The following EXOC4 variants were observed in gnomAD, a reference collection of about 807,000 sequenced individuals.
EXOC4 encodes exocyst complex component 4.
Under a neutral mutation model 107.2 loss-of-function variants are expected in EXOC4, and 71 were observed. The ratio of observed to expected loss-of-function variants is 0.66; its 90% CI spans 0.55 to 0.81. The LOEUF (loss-of-function observed/expected upper bound fraction) is 0.81. EXOC4 is among the 30% of genes least tolerant of loss of function. The probability of loss-of-function intolerance (pLI) is 0.00; values close to 1 mark genes in which losing one functional copy is unlikely to be tolerated. For missense variants in EXOC4, 1,108 were observed against 1,189.6 expected (o/e 0.93, Z 1.01); for synonymous variants, 456 against 441.2 (o/e 1.03, Z -0.42).
intron 5 of EXOC4, among the ~76,000 whole-genome samples, chr7:133,334,627 G>GT (rs1278782373): frequency 6.6e-6 from 1 of 152,104 alleles, no homozygotes; most frequent in Non-Finnish European, 1.5e-5. Context: ...TGTCATGGGG[G>GT]TTTGTTGTAT....
At chr7:133,683,294 G>C (rs1794226681) in intron 10 of EXOC4, among the ~76,000 whole-genome samples, 1 of 152,076 alleles carries the variant, frequency 6.6e-6, no homozygotes, top group Non-Finnish European at 1.5e-5. Flanking sequence ...AGCACTCCTT[G>C]TTTGCTCTGC....
intron 9 of EXOC4, among the ~76,000 whole-genome samples, chr7:133,607,682 T>A (rs1205873860): frequency 1.3e-5 from 2 of 152,184 alleles, no homozygotes; most frequent in Non-Finnish European, 2.9e-5. Flanking sequence ...TCTCCATCTC[T>A]CTCGTGCTTT....
At chr7:133,771,849 CAGG>C (rs1796250092) in intron 10 of EXOC4, among the ~76,000 whole-genome samples, 1 of 151,770 alleles carries the variant, frequency 6.6e-6, no homozygotes, top group South Asian at 2.1e-4. Context: ...GGGAGGGAAA[CAGG>C]GGGTCAGATT....
chr7:133,285,378 A>C (rs1474278246), intron 2 of EXOC4, among the ~76,000 whole-genome samples: 1 of 152,150 alleles, frequency 6.6e-6, no homozygotes, highest in East Asian at 1.9e-4. Context: ...GTGCATATAA[A>C]ATTGAGTTTT....
At chr7:133,627,464 A>T (rs573978987) in intron 9 of EXOC4, among the ~76,000 whole-genome samples, 1 of 152,204 alleles carries the variant, frequency 6.6e-6, no homozygotes, top group Non-Finnish European at 1.5e-5. Flanking sequence ...AGACATGTTC[A>T]TATTGAGTCG....
At chr7:133,304,826 T>C (rs909766454) in intron 3 of EXOC4, among the ~76,000 whole-genome samples, 1 of 152,236 alleles carries the variant, frequency 6.6e-6, no homozygotes, top group African/African-American at 2.4e-5. Context: ...TTCCTTTATC[T>C]GTACCTATTA....
chr7:133,404,906 A>ACG (rs1426823044), intron 7 of EXOC4, among the ~76,000 whole-genome samples: 22 of 4,162 alleles, frequency 5.3e-3, no homozygotes, highest in Admixed American at 0.052. Context: ...ACACACACGC[A>ACG]CACACACACA....
chr7:133,998,840 A>G (rs1794459781), intron 15 of EXOC4, among the ~76,000 whole-genome samples: 1 of 152,224 alleles, frequency 6.6e-6, no homozygotes, highest in Admixed American at 6.5e-5. Flanking sequence ...AACTCTGAGC[A>G]TCAAGGTGAT....
At chr7:133,981,518 T>G (rs767525406) in intron 14 of EXOC4, among the ~76,000 whole-genome samples, 2 of 152,100 alleles carry the variant, frequency 1.3e-5, no homozygotes, top group Non-Finnish European at 2.9e-5. Flanking sequence ...TCAGTGATCT[T>G]TAGAGCAATG....
At chr7:133,294,908 A>T (rs1480052818) in intron 3 of EXOC4, among the ~76,000 whole-genome samples, 2 of 152,110 alleles carry the variant, frequency 1.3e-5, no homozygotes, top group Non-Finnish European at 2.9e-5. Context: ...TTTGACTCTT[A>T]GTAGCTGGAT....
chr7:133,633,152 G>A (rs1358986201), intron 10 of EXOC4, among the ~76,000 whole-genome samples: 1 of 152,116 alleles, frequency 6.6e-6, no homozygotes, highest in African/African-American at 2.4e-5. Context: ...AAATGAAGAA[G>A]CCTGAAAACA....
chr7:133,649,054 A>G (rs1045331623), intron 10 of EXOC4, among the ~76,000 whole-genome samples: 1 of 152,202 alleles, frequency 6.6e-6, no homozygotes, highest in African/African-American at 2.4e-5. Context: ...CCACTCATAC[A>G]GGGAAAAGTC....
At chr7:133,463,033 G>A (rs1452122322) in intron 7 of EXOC4, among the ~76,000 whole-genome samples, 1 of 152,174 alleles carries the variant, frequency 6.6e-6, no homozygotes. Flanking sequence ...GGGATAGACT[G>A]TCATGAGATG....
intron 12 of EXOC4, among the ~76,000 whole-genome samples, chr7:133,904,274 T>C (rs1053886048): frequency 3.3e-5 from 5 of 152,176 alleles, no homozygotes; most frequent in African/African-American, 1.2e-4. Flanking sequence ...TGAAATTATG[T>C]TTTTGGCCAG....
intron 6 of EXOC4, among the ~76,000 whole-genome samples, chr7:133,362,490 CTT>C (rs1200682087): frequency 6.6e-6 from 1 of 152,094 alleles, no homozygotes; most frequent in Non-Finnish European, 1.5e-5. Context: ...TTCTAAAACT[CTT>C]TTTTTCCTCC....
chr7:133,319,322 C>T (rs893118983), intron 5 of EXOC4, among the ~76,000 whole-genome samples: 1 of 152,080 alleles, frequency 6.6e-6, no homozygotes, highest in Non-Finnish European at 1.5e-5. Context: ...TTTTGATAGG[C>T]ACTTTATCTG....
At chr7:133,410,759 A>G (rs1275577239) in intron 7 of EXOC4, among the ~76,000 whole-genome samples, 1 of 152,204 alleles carries the variant, frequency 6.6e-6, no homozygotes, top group African/African-American at 2.4e-5. Flanking sequence ...TCTTTTCTAT[A>G]TATGCTTATA....
intron 10 of EXOC4, among the ~76,000 whole-genome samples, chr7:133,642,342 C>T (rs890500166): frequency 6.6e-6 from 1 of 152,138 alleles, no homozygotes. Flanking sequence ...CTTTTTTACA[C>T]GTAGAAGATT....
intron 14 of EXOC4, among the ~76,000 whole-genome samples, chr7:133,947,987 G>C (rs1442942912): frequency 6.6e-6 from 1 of 152,198 alleles, no homozygotes; most frequent in Non-Finnish European, 1.5e-5. Flanking sequence ...ATGGCATGCT[G>C]AAATTGCAAA....
Sources: gnomAD v4.1 joint callset for allele counts (sites outside exome capture counted in the v4.1 genomes callset) on GRCh38, gnomAD v4.1.1 for gene constraint, MANE v1.5 for transcripts, NCBI Gene and HGNC (gene_info 2026-07-23, HGNC 2026-07-21) for gene names.